CDH12: variants seen among roughly 807,000 people sequenced by gnomAD.
CDH12 encodes cadherin-12.
A neutral mutation model predicts 74.1 loss-of-function variants in CDH12; 41 were observed. That is an observed-to-expected ratio of 0.55 (90% CI 0.43 to 0.72). The LOEUF is 0.72. Ranked by LOEUF, CDH12 falls within the 30% of genes least tolerant of loss-of-function variation. The pLI, the probability that CDH12 is intolerant of heterozygous loss-of-function variation, is 0.00. For missense variants in CDH12, 945 were observed against 977.2 expected (o/e 0.97, Z 0.44); for synonymous variants, 399 against 355.0 (o/e 1.12, Z -1.39).
At chr5:22,684,943 T>C (rs1741681158) in intron 1 of CDH12, among the ~76,000 whole-genome samples, 1 of 152,150 alleles carries the variant, frequency 6.6e-6, no homozygotes, top group Admixed American at 6.6e-5. Context: ...GTTGTTTTTT[T>C]CCTCCAATAG....
chr5:22,155,818 C>A (rs1397018709), intron 4 of CDH12, among the ~76,000 whole-genome samples: 1 of 152,114 alleles, frequency 6.6e-6, no homozygotes, highest in Non-Finnish European at 1.5e-5. Flanking sequence ...GAGCTTCATG[C>A]ACTTGGTTTA....
chr5:22,815,942 A>T (rs1323585305), intron 1 of CDH12, among the ~76,000 whole-genome samples: 1 of 152,090 alleles, frequency 6.6e-6, no homozygotes, highest in Non-Finnish European at 1.5e-5. Flanking sequence ...TAGGTTTGAA[A>T]AAAAAGAAGG....
chr5:22,059,342 T>TCTAC (rs1741010749), intron 5 of CDH12, among the ~76,000 whole-genome samples: 1 of 97,950 alleles, frequency 1.0e-5, no homozygotes, highest in Non-Finnish European at 1.9e-5. Context: ...CTATCATCTA[T>TCTAC]CTATCTATCT....
intron 1 of CDH12, among the ~76,000 whole-genome samples, chr5:22,533,308 G>A (rs1230503139): frequency 6.6e-6 from 1 of 152,108 alleles, no homozygotes; most frequent in East Asian, 1.9e-4. Context: ...ATACTTCCAA[G>A]GTTAAGAAAT....
At chr5:22,396,563 C>T (rs1044226136) in intron 3 of CDH12, among the ~76,000 whole-genome samples, 6 of 152,068 alleles carry the variant, frequency 3.9e-5, no homozygotes, top group African/African-American at 9.7e-5. Flanking sequence ...GGAAAGTCCT[C>T]GGGCATGTAC....
intron 1 of CDH12, among the ~76,000 whole-genome samples, chr5:22,669,988 A>G (rs1211859937): frequency 6.6e-6 from 1 of 152,064 alleles, no homozygotes; most frequent in Admixed American, 6.6e-5. Context: ...TAATTAAGCC[A>G]TTTTTCTTAG....
At chr5:21,945,793 A>G (rs1194239394) in intron 6 of CDH12, among the ~76,000 whole-genome samples, 1 of 152,026 alleles carries the variant, frequency 6.6e-6, no homozygotes, top group African/African-American at 2.4e-5. Flanking sequence ...CTTTAGAACA[A>G]TAATAAAAGA....
chr5:22,602,864 A>C (rs1391210355), intron 1 of CDH12, among the ~76,000 whole-genome samples: 1 of 152,150 alleles, frequency 6.6e-6, no homozygotes, highest in Non-Finnish European at 1.5e-5. Flanking sequence ...CCAACATTTA[A>C]CTCATATCTG....
chr5:21,854,331 A>T (rs1338051560), intron 7 of CDH12, among the ~76,000 whole-genome samples: 2 of 151,700 alleles, frequency 1.3e-5, no homozygotes, highest in Non-Finnish European at 3.0e-5. Context: ...AACTAAGTAT[A>T]ACTGAACCCA....
rs75769249 is a variant in CDH12, at chr5:22,593,515, T to C, written c.-522-88151A>G. On this transcript the variant is annotated intron_variant, in intron 1 of 14. Transcript: ENST00000382254. ...TATCCTTCCAATTTTACATCTCAAC[T>C]CTCTGCTCTCATTTATTTTCCTAGT... 1.2e-3 allele frequency among the ~76,000 whole-genome samples: 186 copies of C among 152,276 alleles called. 5 individuals are homozygous for C. The East Asian group carries it at 0.036, about 29-fold the overall frequency.
At position 22,153,879 on chromosome 5, in the gene CDH12, TATATATATAA is replaced by T. The variant is rs1377450986; in HGVS notation, c.-187+58609_-187+58618del. Among the ~76,000 whole-genome samples the T allele has an allele frequency of 4.4e-3, 264 of 59,662 alleles. 3 individuals carry two copies. The highest frequency in any genetic ancestry group is 0.012 in the African/African-American group (258 of 20,746). The allele number at this position is 59,662 out of a possible 152,430, so 39.1% of individuals were successfully genotyped here. ...GTGTGTATATATATATATGTATATA[TATATATATAA>T]ATATATATATATATACACACACATA... On this transcript the variant is annotated intron_variant, in intron 4 of 14. Transcript: ENST00000382254.
At chr5:22,580,699 C>T in intron 1 of CDH12, 1 of 374,288 alleles carries the variant, frequency 2.7e-6, no homozygotes, top group East Asian at 6.4e-5. Flanking sequence ...TTTAACATTC[C>T]CTGTGTTTGT....
In CDH12 at chr5:22,191,577, T is replaced by TTTTTTTTTTTTTTTTTTTC. The variant is rs1561205829; in HGVS notation, c.-187+20920_-187+20921insGAAAAAAAAAAAAAAAAAA. Among the ~76,000 whole-genome samples, 3 of 129,910 alleles carry TTTTTTTTTTTTTTTTTTTC rather than the reference T, an allele frequency of 2.3e-5. 1 individual carries two copies. Among genetic ancestry groups the TTTTTTTTTTTTTTTTTTTC allele is most frequent in the African/African-American group, 9.1e-5 (3 of 32,940 alleles). 85.2% of individuals were successfully genotyped at this position (129,910 alleles called of 152,430 possible). A position where few individuals can be genotyped will look rare whatever the true frequency, so the allele number is the denominator to read the frequency against. On this transcript the variant is annotated intron_variant, in intron 4 of 14. Transcript: ENST00000382254. ...GTCTTTTTATTTTTATTTTTTTTTT[T>TTTTTTTTTTTTTTTTTTTC]TTTTTGAGACGGAGTCTCGCTCTGT... is the stretch of plus-strand genomic sequence containing the variant.
At chr5:22,591,655 T>C (rs188051675) in intron 1 of CDH12, among the ~76,000 whole-genome samples, 397 of 152,320 alleles carry the variant, frequency 2.6e-3, no homozygotes, top group African/African-American at 7.6e-3. Context: ...AGAACATCAC[T>C]GCCCTATTGG....
intron 1 of CDH12, among the ~76,000 whole-genome samples, chr5:22,852,693 G>T (rs888757460): frequency 1.3e-5 from 2 of 152,196 alleles, no homozygotes; most frequent in African/African-American, 4.8e-5. Context: ...TTATTTTGTT[G>T]TAAAAATCAG....
intron 1 of CDH12, among the ~76,000 whole-genome samples, chr5:22,821,566 T>A (rs1490222369): frequency 6.6e-6 from 1 of 152,074 alleles, no homozygotes; most frequent in Non-Finnish European, 1.5e-5. Flanking sequence ...TGTACAAAAA[T>A]CACAAGCATT....
chr5:22,091,674 C>T (rs999609110), intron 4 of CDH12, among the ~76,000 whole-genome samples: 7 of 151,956 alleles, frequency 4.6e-5, no homozygotes, highest in East Asian at 1.9e-4. Context: ...ATTCAAGCCA[C>T]GATAGTACAG....
rs1337474693 is a variant in CDH12 at position 21,833,136 on chromosome 5, A to AATATAT, written c.814+9024_814+9025insATATAT. Among the ~76,000 whole-genome samples the AATATAT allele has an allele frequency of 2.4e-3, 57 of 24,046 alleles. 4 individuals carry two copies. In the African/African-American group the frequency reaches 0.028, roughly 12 times the overall value. The allele number at this position is 24,046 out of a possible 152,430, so 15.8% of individuals were successfully genotyped here. ...ACATATAATATATATTATATTATAA[A>AATATAT]TATATATTATATAACATATAATATA... On this transcript the variant is annotated intron_variant, in intron 8 of 14. Transcript: ENST00000382254.
intron 3 of CDH12, among the ~76,000 whole-genome samples, chr5:22,281,580 T>C (rs773208507): frequency 4.6e-5 from 7 of 151,818 alleles, no homozygotes; most frequent in Non-Finnish European, 8.8e-5. Flanking sequence ...ACACAAATAA[T>C]AGACAAACAA....
Sources: allele counts gnomAD v4.1 joint callset (sites outside exome capture counted in the v4.1 genomes callset), GRCh38; gene constraint gnomAD v4.1.1; transcripts MANE v1.5; gene names NCBI Gene and HGNC (gene_info 2026-07-23, HGNC 2026-07-21).